The following LRP1 variants were observed in gnomAD, a reference collection of about 807,000 sequenced individuals.
LRP1 encodes the protein prolow-density lipoprotein receptor-related protein 1.
LRP1 carries 51 observed loss-of-function variants against 541.5 expected under a neutral mutation model. The ratio of observed to expected loss-of-function variants is 0.09; its 90% CI spans 0.08 to 0.12. LRP1 has a LOEUF of 0.12. Among genes scored for constraint, LRP1 ranks in the 10% least tolerant of loss-of-function variants. The pLI is 1.00. For synonymous variants in LRP1, 2,219 were observed against 2,470.8 expected (o/e 0.90, Z 3.02); for missense variants, 3,878 against 6,376.2 (o/e 0.61, Z 13.34).
rs768737041 is a variant in LRP1, at chr12:57,209,209, C to T, written c.12262+10C>T. On this transcript the variant is annotated intron_variant, in intron 79 of 88. Coordinates refer to ENST00000243077, the MANE Select transcript of LRP1 (RefSeq NM_002332.3). ...GCTGACAGCAAACGAGGTCAGAGCC[C>T]GGCATAAGTCGCAGTCCCCAGCCCT... The T allele has an allele frequency of 4.5e-5, 72 of 1,608,366 alleles. No homozygotes were observed. Among genetic ancestry groups the T allele is most frequent in the Middle Eastern group, 3.3e-4 (2 of 6,076 alleles).
At chr12:57,181,892 T>C (rs780595223) in intron 34 of LRP1, among the ~76,000 whole-genome samples, 2 of 152,174 alleles carry the variant, frequency 1.3e-5, no homozygotes, top group Non-Finnish European at 2.9e-5. Flanking sequence ...ATTTATGAGC[T>C]TGCTGGGGGA....
chr12:57,129,935 C>T (rs563176795), intron 1 of LRP1, among the ~76,000 whole-genome samples: 1 of 152,194 alleles, frequency 6.6e-6, no homozygotes, highest in Non-Finnish European at 1.5e-5. Flanking sequence ...CTGTTTATTC[C>T]CTGCACCCCT....
At position 57,194,350 on chromosome 12, in the gene LRP1, C is replaced by A; in HGVS notation, c.7919-4C>A. 1.3e-6 allele frequency: 2 copies of A among 1,510,266 alleles called. No homozygotes were observed. Among genetic ancestry groups the A allele is most frequent in the East Asian group, 2.3e-5 (1 of 43,526 alleles). The allele number at this position is 1,510,266 out of a possible 1,614,324, so 93.6% of individuals were successfully genotyped here. On this transcript the variant is annotated splice_polypyrimidine_tract_variant and splice_region_variant and intron_variant, in intron 48 of 88. Coordinates refer to ENST00000243077, the MANE Select transcript of LRP1 (RefSeq NM_002332.3). ...GGTATCACCCTCACCCCTGCCCCCA[C>A]CAGGTGCCACCGACTGCAGCAGCTA...
In LRP1 at chr12:57,158,282, C is replaced by A; in HGVS notation, c.1562-120C>A. On this transcript the variant is annotated intron_variant, in intron 10 of 88. Transcript: ENST00000243077. The surrounding 1 kb of genome is among the most constrained non-coding windows in gnomAD (Gnocchi z 5.3). Reference sequence around the variant, plus strand: ...TCTGTCCATCTGACCCAGAGCCTCGCATCCCTAACGTCTCCTGACCCATCA... The same window carrying A: ...TCTGTCCATCTGACCCAGAGCCTCGAATCCCTAACGTCTCCTGACCCATCA... 1 of 797,202 alleles carries A rather than the reference C, an allele frequency of 1.3e-6. No homozygotes were observed. Among genetic ancestry groups the A allele is most frequent in the Non-Finnish European group, 2.1e-6 (1 of 484,776 alleles). 49.4% of individuals were successfully genotyped at this position (797,202 alleles called of 1,614,324 possible). A position where few individuals can be genotyped will look rare whatever the true frequency, so the allele number is the denominator to read the frequency against.
chr12:57,176,958 G>T (rs1196967071), intron 24 of LRP1, 83 bp from the exon 25 acceptor site: 31 of 1,205,862 alleles, frequency 2.6e-5, no homozygotes, highest in Non-Finnish European at 3.8e-5. Flanking sequence ...TTGAGGGTGG[G>T]TCATCGAGGG....
intron 6 of LRP1, chr12:57,148,895 C>G: frequency 1.8e-6 from 1 of 546,752 alleles, no homozygotes; most frequent in East Asian, 3.2e-5. Flanking sequence ...CTGCAGGCAG[C>G]AAGGTTGCGA....
intron 3 of LRP1, among the ~76,000 whole-genome samples, chr12:57,143,158 G>T (rs1448481998): frequency 6.6e-6 from 1 of 152,148 alleles, no homozygotes; most frequent in Non-Finnish European, 1.5e-5. Flanking sequence ...CCTCCTTCCT[G>T]TCCTCTACCT....
chr12:57,202,041 TGTG>T, intron 67 of LRP1, 136 bp downstream of exon 67: 2 of 1,194,016 alleles, frequency 1.7e-6, no homozygotes, highest in Non-Finnish European at 2.4e-6. Flanking sequence ...CTGGGCCTGC[TGTG>T]GGGCTGGGGA....
In LRP1 at chr12:57,189,947, G is replaced by A. The variant is rs1357760238; in HGVS notation, c.7032-858G>A. 6.6e-6 allele frequency among the ~76,000 whole-genome samples: 1 copy of A among 152,152 alleles called. No individual in the cohort carries two copies. Among genetic ancestry groups the A allele is most frequent in the Admixed American group, 6.5e-5 (1 of 15,276 alleles). ...ACCACTCTGTCACACCCAGGGTAGT[G>A]CATGACCAGCCCTGAGGCCTTCCAC... On this transcript the variant is annotated intron_variant, in intron 42 of 88. Coordinates refer to ENST00000243077, the MANE Select transcript of LRP1 (RefSeq NM_002332.3). This position sits in a 1 kb window ranked among gnomAD's most constrained non-coding sequence, Gnocchi z 4.4.
intron 42 of LRP1, among the ~76,000 whole-genome samples, chr12:57,188,539 G>A (rs940827955): frequency 6.6e-6 from 1 of 152,038 alleles, no homozygotes; most frequent in Non-Finnish European, 1.5e-5. Context: ...CATGACCCTC[G>A]GCTGCCTCAC....
Position 57,184,966 on chromosome 12 carries a change from A to T in LRP1, c.6314A>T (p.Glu2105Val). Residue 2105 changes from glutamate to valine, a missense_variant, in exon 39 of 89, where the codon GAG becomes GTG. This residue lies in a region of LRP1 where 1,100 missense variants were observed against 1,827.4 expected (regional missense o/e 0.60). Transcript: ENST00000243077. This position sits in a 1 kb window ranked among gnomAD's most constrained non-coding sequence, Gnocchi z 7.8. ...NMDMFSVSVF[E>V]DFIYWSDRTH... The stretch of plus-strand genomic sequence containing the variant: ...GACATGTTTTCAGTGTCTGTGTTTG[A>T]GGATTTCATCTACTGGAGTGACAGG... 1 of 1,614,116 alleles carries T rather than the reference A, an allele frequency of 6.2e-7. No homozygotes were observed. Among genetic ancestry groups the T allele is most frequent in the Non-Finnish European group, 8.5e-7 (1 of 1,179,990 alleles).
At position 57,185,120 on chromosome 12, in the gene LRP1, C is replaced by G; in HGVS notation, c.6378C>G (p.Asp2126Glu). The stretch of plus-strand genomic sequence containing the variant: ...GCTCTATCAAGCGCGGGAGCAAAGA[C>G]AATGCCACAGACTCCGTGCCCCTGC... The part of the protein sequence containing the change: ...ANGSIKRGSK[D>E]NATDSVPLRT... Residue 2126 changes from aspartate to glutamate, a missense_variant, in exon 40 of 89, where the codon GAC becomes GAG. By Grantham distance (45) the Asp-to-Glu change is conservative. Transcript: ENST00000243077. This position sits in a 1 kb window ranked among gnomAD's most constrained non-coding sequence, Gnocchi z 4.9. The G allele has an allele frequency of 1.2e-6, 2 of 1,614,170 alleles. No individual in the cohort carries two copies. Among genetic ancestry groups the G allele is most frequent in the Non-Finnish European group, 1.7e-6 (2 of 1,180,034 alleles).
chr12:57,201,243 A>G lies in LRP1; in HGVS notation c.10345+90A>G. 6.3e-7 allele frequency: 1 copy of G among 1,574,934 alleles called. No homozygotes were observed. Among genetic ancestry groups the G allele is most frequent in the East Asian group, 2.3e-5 (1 of 44,386 alleles). The stretch of plus-strand genomic sequence containing the variant: ...CTCCCCACAGCTTTGAGAGGCTCTC[A>G]AATAACTTTAGTAGATGGGCAACAC... On this transcript the variant is annotated intron_variant, in intron 65 of 88. Coordinates refer to ENST00000243077, the MANE Select transcript of LRP1 (RefSeq NM_002332.3). This position sits in a 1 kb window ranked among gnomAD's most constrained non-coding sequence, Gnocchi z 6.4.
rs764747907 is a variant in LRP1 at position 57,185,100 on chromosome 12, A to G, written c.6358A>G (p.Ile2120Val). ...WSDRTHANGSIKRGSKDNATD... is the reference protein window; with the variant it reads ...WSDRTHANGSVKRGSKDNATD... ...CCTCAGGACTCATGCCAACGGCTCT[A>G]TCAAGCGCGGGAGCAAAGACAATGC... Residue 2120 changes from isoleucine to valine, a missense_variant, in exon 40 of 89, where the codon ATC (isoleucine) becomes GTC (valine). Transcript: ENST00000243077. This position sits in a 1 kb window ranked among gnomAD's most constrained non-coding sequence, Gnocchi z 4.9. 13 of 1,613,920 alleles carry G rather than the reference A, an allele frequency of 8.1e-6. No homozygotes were observed. In the East Asian group the frequency reaches 2.5e-4, roughly 30 times the overall value.
In LRP1 at chr12:57,185,120, C is replaced by T. The variant is rs947375029; in HGVS notation, c.6378C>T (p.Asp2126=). The T allele has an allele frequency of 6.2e-7, 1 of 1,614,170 alleles. No individual in the cohort carries two copies. The highest frequency in any genetic ancestry group is 8.5e-7 in the Non-Finnish European group (1 of 1,180,034). The change falls in exon 40 of 89, where the codon GAC becomes GAT. Residue 2126 remains aspartate, a synonymous_variant. Coordinates refer to ENST00000243077, the MANE Select transcript of LRP1 (RefSeq NM_002332.3). This position sits in a 1 kb window ranked among gnomAD's most constrained non-coding sequence, Gnocchi z 4.9. ...GCTCTATCAAGCGCGGGAGCAAAGA[C>T]AATGCCACAGACTCCGTGCCCCTGC... is the stretch of plus-strand genomic sequence containing the variant. The part of the protein sequence containing the change: ...ANGSIKRGSK[D]NATDSVPLRT...
rs761444231 is a variant in LRP1, at chr12:57,211,529, C to G, written c.13134C>G (p.Val4378=). The change falls in exon 85 of 89, where the codon GTC becomes GTG. Residue 4378 remains valine (V), a synonymous_variant. Transcript: ENST00000243077. This position sits in a 1 kb window ranked among gnomAD's most constrained non-coding sequence, Gnocchi z 4.3. ...GRVAPSCLTC[V]GHCSNGGSCT... is the part of the protein sequence containing the mutation. ...TGGCCCCCAGCTGTCTGACCTGCGT[C>G]GGCCACTGCAGCAATGGCGGCTCCT... is the stretch of plus-strand genomic sequence containing the variant. 1.9e-6 allele frequency: 3 copies of G among 1,613,958 alleles called. No individual in the cohort carries two copies. The highest frequency in any genetic ancestry group is 1.7e-5 in the Admixed American group (1 of 60,006).
chr12:57,199,205 C>T lies in LRP1; in HGVS notation c.9677-7C>T. The T allele has an allele frequency of 6.2e-7, 1 of 1,612,246 alleles. No individual in the cohort carries two copies. The highest frequency in any genetic ancestry group is 2.2e-5 in the East Asian group (1 of 44,858). On this transcript the variant is annotated splice_polypyrimidine_tract_variant and splice_region_variant and intron_variant, in intron 60 of 88. Transcript: ENST00000243077. ...ACTGGCACTGTGCCTGCCCCTTGGC[C>T]CTGCAGTGCTGAGCCAGGACATCCC...
intron 6 of LRP1, chr12:57,150,186 C>CTCCTTTT (rs1478692257): frequency 1.9e-5 from 1 of 53,898 alleles, no homozygotes; most frequent in East Asian, 5.5e-4. Flanking sequence ...GGAAAACTTC[C>CTCCTTTT]TTCTTTTTTT....
intron 60 of LRP1, 75 bp from the exon 61 acceptor site, chr12:57,199,137 T>G: frequency 7.1e-7 from 1 of 1,399,026 alleles, no homozygotes; most frequent in Non-Finnish European, 1.0e-6. Flanking sequence ...TGGTAGGGCT[T>G]GAGGAGGTGG....
Sources: allele counts gnomAD v4.1 joint callset (sites outside exome capture counted in the v4.1 genomes callset), GRCh38; gene constraint gnomAD v4.1.1; regional missense constraint gnomAD v4.1.1; non-coding constraint Gnocchi (gnomAD v3.1); transcripts MANE v1.5; gene names NCBI Gene and HGNC (gene_info 2026-07-23, HGNC 2026-07-21).